The following ASH1L variants were observed in gnomAD, a reference collection of about 807,000 sequenced individuals.
ASH1L encodes the protein ASH1 like histone lysine methyltransferase, also known as histone-lysine N-methyltransferase ASH1L.
Under a neutral mutation model 269.0 loss-of-function variants are expected in ASH1L, and 23 were observed. That is an observed-to-expected ratio of 0.09 (90% CI 0.06 to 0.12). The LOEUF is 0.12. ASH1L is among the 10% of genes least tolerant of loss of function. ASH1L has a pLI of 1.00. For synonymous variants in ASH1L, 1,187 were observed against 1,253.5 expected (o/e 0.95, Z 1.12); for missense variants, 2,912 against 3,567.8 (o/e 0.82, Z 4.68).
chr1:155,375,231 G>C (rs1240002750), intron 10 of ASH1L, among the ~76,000 whole-genome samples: 1 of 152,146 alleles, frequency 6.6e-6, no homozygotes, highest in Admixed American at 6.6e-5. Flanking sequence ...AATTTTAAAA[G>C]ATTTCTTCCA....
chr1:155,354,827 T>A (rs1477542876), intron 15 of ASH1L, among the ~76,000 whole-genome samples, 197 bp from the exon 16 acceptor site: 1 of 152,176 alleles, frequency 6.6e-6, no homozygotes, highest in Admixed American at 6.5e-5. Context: ...TTTACATACA[T>A]CTGGCAAACA....
intron 2 of ASH1L, among the ~76,000 whole-genome samples, chr1:155,488,668 C>CAAA (rs371829476): frequency 1.9e-3 from 56 of 29,194 alleles, no homozygotes; most frequent in South Asian, 5.1e-3. Flanking sequence ...GACTCTGTCA[C>CAAA]AAAAAAAAAA....
At chr1:155,477,427 T>G (rs901685594) in intron 3 of ASH1L, among the ~76,000 whole-genome samples, 1 of 149,034 alleles carries the variant, frequency 6.7e-6, no homozygotes, top group Non-Finnish European at 1.5e-5. Flanking sequence ...ACAGTATTAA[T>G]AACATATTCT....
chr1:155,528,005 C>A (rs1382435582), intron 1 of ASH1L, among the ~76,000 whole-genome samples: 1 of 152,136 alleles, frequency 6.6e-6, no homozygotes, highest in Non-Finnish European at 1.5e-5. Context: ...TGACCAGATC[C>A]AGTCTTACGG....
chr1:155,539,256 C>T (rs1670262154), intron 1 of ASH1L, among the ~76,000 whole-genome samples: 1 of 150,388 alleles, frequency 6.6e-6, no homozygotes, highest in Admixed American at 6.6e-5. Flanking sequence ...TTCAACCTAA[C>T]ACCAAAACTT....
intron 2 of ASH1L, 40 bp from the exon 3 acceptor site, chr1:155,482,489 C>G: frequency 6.4e-7 from 1 of 1,554,702 alleles, no homozygotes; most frequent in Non-Finnish European, 8.7e-7. Context: ...AGGGAGTAAA[C>G]CTTACACCAC....
chr1:155,531,102 G>A (rs1189195648), intron 1 of ASH1L, among the ~76,000 whole-genome samples: 1 of 151,702 alleles, frequency 6.6e-6, no homozygotes, highest in African/African-American at 2.4e-5. Context: ...ACACTGGAGT[G>A]AGCTAGAATC....
At chr1:155,552,421 G>A (rs757225006) in intron 1 of ASH1L, among the ~76,000 whole-genome samples, 29 of 152,038 alleles carry the variant, frequency 1.9e-4, no homozygotes, top group Non-Finnish European at 3.5e-4. Flanking sequence ...AGCCGAGATC[G>A]CGCCACTGCA....
intron 4 of ASH1L, among the ~76,000 whole-genome samples, chr1:155,446,365 C>G (rs1268608183): frequency 7.0e-6 from 1 of 143,354 alleles, no homozygotes; most frequent in African/African-American, 2.6e-5. Flanking sequence ...GTGGCATGAT[C>G]TTGGTTCACT....
At chr1:155,412,682 G>A (rs987913970) in intron 6 of ASH1L, among the ~76,000 whole-genome samples, 1 of 152,166 alleles carries the variant, frequency 6.6e-6, no homozygotes, top group Non-Finnish European at 1.5e-5. Flanking sequence ...ACCCCAACTT[G>A]AAGCTGGTTG....
intron 1 of ASH1L, among the ~76,000 whole-genome samples, chr1:155,529,807 T>C (rs1293161833): frequency 1.3e-5 from 2 of 152,050 alleles, no homozygotes; most frequent in African/African-American, 4.8e-5. Context: ...CAATTTAATT[T>C]GTCCTAAAGT....
intron 16 of ASH1L, among the ~76,000 whole-genome samples, chr1:155,353,445 A>G (rs1405767402): frequency 6.6e-6 from 1 of 152,212 alleles, no homozygotes; most frequent in Non-Finnish European, 1.5e-5. Context: ...GTTAGCATTC[A>G]GCATATCCCT....
In ASH1L at chr1:155,379,964, G is replaced by T. The variant is rs1252314069; in HGVS notation, c.6177+79C>A. On this transcript the variant is annotated intron_variant, in intron 8 of 27. Transcript: ENST00000392403. ...CTCCTAAGATGAAAACATAACAAGG[G>T]GAGAGAAAAACACTTGCATTTCCAC... 7 of 1,024,418 alleles carry T rather than the reference G, an allele frequency of 6.8e-6. No homozygotes were observed. In the South Asian group the frequency reaches 9.5e-5, roughly 14 times the overall value. 63.5% of individuals were successfully genotyped at this position (1,024,418 alleles called of 1,614,324 possible).
chr1:155,511,795 C>T (rs576021165), intron 2 of ASH1L, among the ~76,000 whole-genome samples: 137 of 151,678 alleles, frequency 9.0e-4, no homozygotes, highest in African/African-American at 3.2e-3. Flanking sequence ...TGAGCCACCA[C>T]GCCCGGCAAG....
In ASH1L at chr1:155,489,201, G is replaced by A. The variant is rs112438790; in HGVS notation, c.421-6752C>T. ...GTTACTATAAATAATATGTGGGCGC[G>A]GTGGCTCACACCTGTAATCCTAGCA... On this transcript the variant is annotated intron_variant, in intron 2 of 27. Coordinates refer to ENST00000392403, the MANE Select transcript of ASH1L (RefSeq NM_018489.3). Among the ~76,000 whole-genome samples the A allele has an allele frequency of 9.2e-3, 1,402 of 152,138 alleles. 17 individuals carry two copies. Among genetic ancestry groups the A allele is most frequent in the African/African-American group, 0.026 (1,079 of 41,490 alleles).
chr1:155,496,469 A>G (rs1268252023), intron 2 of ASH1L, among the ~76,000 whole-genome samples: 4 of 152,226 alleles, frequency 2.6e-5, no homozygotes, highest in Admixed American at 6.5e-5. Context: ...AGTTTAATAT[A>G]TATGTATGCA....
At chr1:155,403,410 A>G (rs139947831) in intron 6 of ASH1L, among the ~76,000 whole-genome samples, 2 of 152,322 alleles carry the variant, frequency 1.3e-5, no homozygotes, top group African/African-American at 4.8e-5. Context: ...GCAGCCAATT[A>G]TTGCCAGAAC....
rs943230226 is a variant in ASH1L at position 155,372,916 on chromosome 1, C to G, written c.6333-1933G>C. ...GAACCCATAGTAGTTAGGGAATTAA[C>G]AAGTTAAAAATTCTAGATGGGTGCA... is the stretch of plus-strand genomic sequence containing the variant. On this transcript the variant is annotated intron_variant, in intron 10 of 27. Transcript: ENST00000392403. 2.0e-5 allele frequency among the ~76,000 whole-genome samples: 3 copies of G among 151,920 alleles called. No individual in the cohort carries two copies. The South Asian group carries it at 6.2e-4, about 31-fold the overall frequency.
intron 1 of ASH1L, among the ~76,000 whole-genome samples, chr1:155,525,737 A>G (rs117582912): frequency 6.6e-6 from 1 of 152,202 alleles, no homozygotes; most frequent in East Asian, 1.9e-4. Context: ...TAAGATCACA[A>G]TTAGGGCAAT....
Sources: gnomAD v4.1 joint callset for allele counts (sites outside exome capture counted in the v4.1 genomes callset) on GRCh38, gnomAD v4.1.1 for gene constraint, MANE v1.5 for transcripts, NCBI Gene and HGNC (gene_info 2026-07-23, HGNC 2026-07-21) for gene names.